The following DNAH5 variants were observed in gnomAD, a reference collection of about 807,000 sequenced individuals.
DNAH5 encodes axonemal beta dynein heavy chain 5.
In DNAH5, 372 loss-of-function variants were observed where a neutral mutation model predicts 518.2. The ratio of observed to expected loss-of-function variants is 0.72; its 90% CI spans 0.66 to 0.78. The LOEUF (loss-of-function observed/expected upper bound fraction) is 0.78, where lower values mean the gene tolerates loss of function less well. DNAH5 is among the 30% of genes least tolerant of loss of function. The pLI is 0.00. For missense variants in DNAH5, 5,523 were observed against 5,687.0 expected, an observed-to-expected ratio of 0.97 and a Z score of 0.93; for synonymous variants, 2,039 against 2,025.9, an observed-to-expected ratio of 1.01 and a Z score of -0.17.
At chr5:13,862,789 C>G in intron 28 of DNAH5, 42 bp from the exon 29 acceptor site, 1 of 1,538,950 alleles carries the variant, frequency 6.5e-7, no homozygotes, top group Non-Finnish European at 8.9e-7. Flanking sequence ...ATGAAAGTCA[C>G]ACGTCCTTCC....
At position 13,832,561 on chromosome 5, in the gene DNAH5, C is replaced by G. The variant is rs1294859440; in HGVS notation, c.5883-1786G>C. Among the ~76,000 whole-genome samples, 6 of 152,332 alleles carry G rather than the reference C, an allele frequency of 3.9e-5. No homozygotes were observed. In the East Asian group the frequency reaches 9.6e-4, roughly 24 times the overall value. ...TTTCAAAACCGTTTCCATTCATGAA[C>G]AGGGTTTGAACTTTATGTGTTTTAG... On this transcript the variant is annotated intron_variant, in intron 35 of 78. Transcript: ENST00000265104.
intron 1 of DNAH5, among the ~76,000 whole-genome samples, chr5:13,994,930 A>G (rs1045558147): frequency 3.3e-5 from 5 of 152,156 alleles, no homozygotes; most frequent in African/African-American, 9.7e-5. Context: ...TCCATCACAC[A>G]TGAGTTTCAG....
rs1402371510 is a variant in DNAH5, at chr5:13,690,952, G to A, written c.*1032C>T. On this transcript the variant is annotated 3_prime_UTR_variant, in exon 79 of 79. Transcript: ENST00000265104. ...CTTGCCATCTAATCTTTGTCCACAT[G>A]CAAATATATTTGCTGTTATAATCAC... 6.6e-6 allele frequency: 1 copy of A among 151,860 alleles called. No individual in the cohort carries two copies. Among genetic ancestry groups the A allele is most frequent in the Non-Finnish European group, 1.5e-5 (1 of 67,990 alleles). 9.4% of individuals were successfully genotyped at this position (151,860 alleles called of 1,614,324 possible).
intron 1 of DNAH5, among the ~76,000 whole-genome samples, chr5:14,011,587 G>C (rs1437316965): frequency 1.3e-5 from 2 of 152,108 alleles, no homozygotes; most frequent in African/African-American, 2.4e-5. Context: ...GCTCGGCCGC[G>C]CATGCGCCGC....
intron 1 of DNAH5, among the ~76,000 whole-genome samples, chr5:13,961,609 G>A (rs1274800079): frequency 1.3e-5 from 2 of 151,964 alleles, no homozygotes; most frequent in African/African-American, 2.4e-5. Flanking sequence ...ACATCACTGC[G>A]CTCCAGCCCG....
intron 47 of DNAH5, among the ~76,000 whole-genome samples, chr5:13,799,694 G>GC (rs1388291957): frequency 6.6e-6 from 1 of 152,152 alleles, no homozygotes; most frequent in Non-Finnish European, 1.5e-5. Flanking sequence ...GGTTGGTTAT[G>GC]CCTTCTCTGA....
intron 1 of DNAH5, among the ~76,000 whole-genome samples, chr5:13,968,362 G>A (rs781585098): frequency 4.5e-4 from 68 of 152,234 alleles, no homozygotes; most frequent in Admixed American, 1.5e-3. Context: ...GAATAGAAGT[G>A]GTGAAAGTGG....
At chr5:13,775,551 C>CA (rs1446122026) in intron 55 of DNAH5, among the ~76,000 whole-genome samples, 1 of 152,118 alleles carries the variant, frequency 6.6e-6, no homozygotes, top group Non-Finnish European at 1.5e-5. Context: ...GACAGACAGA[C>CA]AACCTAGGTT....
At chr5:13,814,926 A>G in intron 42 of DNAH5, 80 bp from the exon 43 acceptor site, 5 of 1,297,664 alleles carry the variant, frequency 3.9e-6, no homozygotes, top group Non-Finnish European at 5.4e-6. Context: ...AATAGCTTGA[A>G]GAACTATTAT....
In DNAH5 at chr5:13,882,907, G is replaced by A; in HGVS notation, c.3171C>T (p.Ser1057=). ...GVRQWSSELL[S]KKKIQERKMA... ...CATTTCTGCACCCCATACCCACCTT[G>A]GACAACAGTTCACTGCTCCACTGTC... Residue 1057 remains serine (S), a synonymous_variant, in exon 20 of 79, where the codon TCC becomes TCT. Transcript: ENST00000265104. 1 of 1,614,066 alleles carries A rather than the reference G, an allele frequency of 6.2e-7. No individual in the cohort carries two copies. Among genetic ancestry groups the A allele is most frequent in the South Asian group, 1.1e-5 (1 of 91,068 alleles).
At chr5:13,925,642 G>C (rs1180363860) in intron 3 of DNAH5, among the ~76,000 whole-genome samples, 2 of 152,102 alleles carry the variant, frequency 1.3e-5, no homozygotes, top group Non-Finnish European at 2.9e-5. Flanking sequence ...GATCTCATGA[G>C]ACCTATTCAC....
intron 60 of DNAH5, among the ~76,000 whole-genome samples, chr5:13,760,207 A>G (rs1209066082): frequency 6.6e-6 from 1 of 152,206 alleles, no homozygotes; most frequent in Non-Finnish European, 1.5e-5. Context: ...CTAGTACTTT[A>G]CTCACCAATA....
In DNAH5 at chr5:13,809,951, G is replaced by C. The variant is rs1209741323; in HGVS notation, c.7609+108C>G. The C allele has an allele frequency of 4.3e-6, 5 of 1,149,620 alleles. No homozygotes were observed. The African/African-American group carries it at 7.7e-5, about 18-fold the overall frequency. 71.2% of individuals were successfully genotyped at this position (1,149,620 alleles called of 1,614,324 possible). On this transcript the variant is annotated intron_variant, in intron 45 of 78. Transcript: ENST00000265104. ...CACACGAACGTTTTCATATCTTACAGCCAATAATTATAAATCTCATTTAGA... is the reference window on the plus strand; with the variant it reads ...CACACGAACGTTTTCATATCTTACACCCAATAATTATAAATCTCATTTAGA...
At chr5:13,938,087 T>C (rs1779112633) in intron 1 of DNAH5, among the ~76,000 whole-genome samples, 2 of 152,196 alleles carry the variant, frequency 1.3e-5, no homozygotes, top group African/African-American at 4.8e-5. Flanking sequence ...TAAAATCTCA[T>C]GCCGTCCAAA....
intron 61 of DNAH5, among the ~76,000 whole-genome samples, chr5:13,757,348 G>A (rs979573718): frequency 5.9e-5 from 9 of 152,070 alleles, no homozygotes; most frequent in East Asian, 1.9e-4. Context: ...CTTTTTCTCC[G>A]CAATCTCACC....
chr5:13,999,732 T>C (rs1227160174), intron 1 of DNAH5, among the ~76,000 whole-genome samples: 2 of 152,220 alleles, frequency 1.3e-5, no homozygotes, highest in Admixed American at 6.5e-5. Context: ...CTGGATCATC[T>C]GGTAGTGGTA....
Position 13,891,098 on chromosome 5 carries a change from T to C in DNAH5, c.2455A>G (p.Arg819Gly). Residue 819 changes from arginine to glycine, a missense_variant, in exon 17 of 79, where the codon AGG becomes GGG. By Grantham distance (125) the Arg-to-Gly change is moderately radical (BLOSUM62 -2). Transcript: ENST00000265104. ...KIKDLELLLD[R>G]VNDLIEFRID... ...CGGAACTCAATCAAATCATTGACCC[T>C]GTCAAGCAGCAACTCCAGGTCCTCT... 2 of 1,614,110 alleles carry C rather than the reference T, an allele frequency of 1.2e-6. No homozygotes were observed. Among genetic ancestry groups the C allele is most frequent in the Non-Finnish European group, 1.7e-6 (2 of 1,179,992 alleles).
intron 1 of DNAH5, among the ~76,000 whole-genome samples, chr5:13,974,811 G>A (rs1340675064): frequency 2.6e-5 from 4 of 152,032 alleles, no homozygotes; most frequent in South Asian, 2.1e-4. Context: ...TACTACCACC[G>A]CTACTCCCCC....
intron 72 of DNAH5, among the ~76,000 whole-genome samples, chr5:13,717,978 T>C (rs1744530023): frequency 6.6e-6 from 1 of 152,262 alleles, no homozygotes; most frequent in African/African-American, 2.4e-5. Flanking sequence ...ATAATAATGA[T>C]TGATACATAT....
Sources: gnomAD v4.1 joint callset for allele counts (sites outside exome capture counted in the v4.1 genomes callset) on GRCh38, gnomAD v4.1.1 for gene constraint, MANE v1.5 for transcripts, NCBI Gene and HGNC (gene_info 2026-07-23, HGNC 2026-07-21) for gene names.